Variants in RAI14 observed in about 807,000 individuals in gnomAD.
RAI14 encodes the protein retinoic acid induced 14.
RAI14 carries 45 observed loss-of-function variants against 115.4 expected under a neutral mutation model. The observed-to-expected ratio is 0.39, with a 90% CI of 0.31 to 0.50. The LOEUF (loss-of-function observed/expected upper bound fraction) is 0.50. RAI14 is among the 20% of genes least tolerant of loss of function. RAI14 has a pLI of 0.85. For synonymous variants in RAI14, 371 were observed against 415.4 expected, an observed-to-expected ratio of 0.89 and a Z score of 1.30; for missense variants, 939 against 1,131.2, an observed-to-expected ratio of 0.83 and a Z score of 2.44.
chr5:34,737,397 G>A (rs1437511516), intron 2 of RAI14, among the ~76,000 whole-genome samples: 1 of 152,028 alleles, frequency 6.6e-6, no homozygotes, highest in African/African-American at 2.4e-5. Context: ...AAATACTGTG[G>A]GTAATTATGG....
intron 7 of RAI14, among the ~76,000 whole-genome samples, chr5:34,809,575 A>G (rs139671542): frequency 0.01 from 1,558 of 151,708 alleles, 29 homozygotes; most frequent in African/African-American, 0.032. Context: ...GTGTGTTTAT[A>G]TAAAATTAAA....
chr5:34,829,642 G>C, intron 16 of RAI14, 90 bp from the exon 17 acceptor site: 1 of 1,063,236 alleles, frequency 9.4e-7, no homozygotes, highest in Non-Finnish European at 1.4e-6. Flanking sequence ...CACTTGGGTA[G>C]CATTTGGCTG....
chr5:34,817,272 CAAAAAAAA>C (rs34084798), intron 12 of RAI14, among the ~76,000 whole-genome samples: 4 of 97,186 alleles, frequency 4.1e-5, no homozygotes, highest in Non-Finnish European at 7.9e-5. Context: ...CACTCCATCT[CAAAAAAAA>C]AAAAAAAAAG....
chr5:34,786,692 G>C (rs1454379111), intron 3 of RAI14, among the ~76,000 whole-genome samples: 2 of 152,102 alleles, frequency 1.3e-5, no homozygotes, highest in Non-Finnish European at 2.9e-5. Context: ...TTTTCCAACT[G>C]TTGCTCTGGC....
intron 2 of RAI14, among the ~76,000 whole-genome samples, chr5:34,715,144 G>A (rs1035202096): frequency 6.6e-6 from 1 of 152,152 alleles, no homozygotes; most frequent in Non-Finnish European, 1.5e-5. Context: ...GTGTGAGGGG[G>A]TTTGGGGCTG....
At chr5:34,752,704 T>C (rs1335884996) in intron 2 of RAI14, among the ~76,000 whole-genome samples, 2 of 29,136 alleles carry the variant, frequency 6.9e-5, no homozygotes, top group Non-Finnish European at 1.3e-4. Flanking sequence ...CTTACATATA[T>C]GTGTGTGTGT....
At chr5:34,775,768 A>G (rs1295768778) in intron 3 of RAI14, among the ~76,000 whole-genome samples, 1 of 152,210 alleles carries the variant, frequency 6.6e-6, no homozygotes, top group Non-Finnish European at 1.5e-5. Context: ...ACAGGCAATA[A>G]CAAATGTTGG....
chr5:34,700,624 T>C (rs1019859848), intron 2 of RAI14, among the ~76,000 whole-genome samples: 6 of 152,236 alleles, frequency 3.9e-5, no homozygotes, highest in African/African-American at 1.4e-4. Context: ...ATCCATGTAA[T>C]GGACAGAAAT....
At chr5:34,683,879 C>T (rs1485700347) in intron 1 of RAI14, among the ~76,000 whole-genome samples, 1 of 152,188 alleles carries the variant, frequency 6.6e-6, no homozygotes, top group Non-Finnish European at 1.5e-5. Context: ...AGGCGCCCGC[C>T]ATCACGCCCG....
At chr5:34,824,556 T>A in intron 15 of RAI14, 65 bp downstream of exon 15, 1 of 1,298,684 alleles carries the variant, frequency 7.7e-7, no homozygotes, top group Non-Finnish European at 1.0e-6. Context: ...GCTTTTACTA[T>A]ATTAAATATT....
Position 34,814,750 on chromosome 5 carries a change from A to G in RAI14, c.939+81A>G, listed in dbSNP as rs577238376. 5.4e-5 allele frequency: 58 copies of G among 1,071,818 alleles called. No homozygotes were observed. In the African/African-American group the frequency reaches 8.4e-4, roughly 16 times the overall value. 66.4% of individuals were successfully genotyped at this position (1,071,818 alleles called of 1,614,324 possible). A position where few individuals can be genotyped will look rare whatever the true frequency, so the allele number is the denominator to read the frequency against. On this transcript the variant is annotated intron_variant, in intron 12 of 17. Transcript: ENST00000265109. ...TGCTTTAAGTTATATAACACTGGGA[A>G]AAACAGAATATACTTCTGAATCATT...
intron 13 of RAI14, 94 bp from the exon 14 acceptor site, chr5:34,821,638 A>G: frequency 1.3e-6 from 1 of 752,584 alleles, no homozygotes; most frequent in Non-Finnish European, 2.2e-6. Flanking sequence ...GGCCAGGAAG[A>G]AGAACTGGAT....
At position 34,824,249 on chromosome 5, in the gene RAI14, T is replaced by C. The variant is rs1389225404; in HGVS notation, c.2407T>C (p.Leu803=). The change falls in exon 15 of 18, where the codon TTG becomes CTG. Residue 803 remains leucine (L), a synonymous_variant. Transcript: ENST00000265109. ...ATCCTTAGAGAGTGAAGTGAGTGTGTTGGCATCGAAATTAAAGGAATCTGT... is the reference window on the plus strand; with the variant it reads ...ATCCTTAGAGAGTGAAGTGAGTGTGCTGGCATCGAAATTAAAGGAATCTGT... ...QSSLESEVSV[L]ASKLKESVKE... 1.2e-6 allele frequency: 2 copies of C among 1,614,152 alleles called. No homozygotes were observed. The highest frequency in any genetic ancestry group is 1.6e-4 in the Middle Eastern group (1 of 6,062).
chr5:34,740,678 C>G (rs1745400929), intron 2 of RAI14, among the ~76,000 whole-genome samples: 1 of 152,174 alleles, frequency 6.6e-6, no homozygotes, highest in Non-Finnish European at 1.5e-5. Context: ...TGTGCACATG[C>G]TCGTCTGAAG....
intron 2 of RAI14, among the ~76,000 whole-genome samples, chr5:34,695,803 CTT>C (rs376091071): frequency 1.5e-4 from 19 of 128,946 alleles, no homozygotes; most frequent in African/African-American, 4.6e-4. Context: ...AAGCACTTTC[CTT>C]TTTTTTTTTT....
intron 3 of RAI14, among the ~76,000 whole-genome samples, chr5:34,785,019 C>A (rs189761341): frequency 2.5e-4 from 38 of 152,280 alleles, no homozygotes; most frequent in Non-Finnish European, 3.7e-4. Context: ...GAATTAATGG[C>A]TCATAAATCA....
chr5:34,806,107 G>A (rs576743642), intron 5 of RAI14, among the ~76,000 whole-genome samples: 5 of 152,292 alleles, frequency 3.3e-5, no homozygotes, highest in African/African-American at 1.2e-4. Flanking sequence ...GGAAGGCCTC[G>A]TGAAGGAGGT....
chr5:34,812,421 T>A (rs1755713817), intron 10 of RAI14, among the ~76,000 whole-genome samples: 1 of 152,148 alleles, frequency 6.6e-6, no homozygotes, highest in African/African-American at 2.4e-5. Flanking sequence ...ATCCCAGCAC[T>A]TTGGGAGGCC....
intron 2 of RAI14, among the ~76,000 whole-genome samples, chr5:34,756,496 G>A (rs1243757236): frequency 1.3e-5 from 2 of 152,284 alleles, no homozygotes; most frequent in East Asian, 1.9e-4. Context: ...GGGGCCGGGC[G>A]CAGGAGACGA....
Sources: allele counts gnomAD v4.1 joint callset (sites outside exome capture counted in the v4.1 genomes callset), GRCh38; gene constraint gnomAD v4.1.1; transcripts MANE v1.5; gene names NCBI Gene and HGNC (gene_info 2026-07-23, HGNC 2026-07-21).